The following CNDP1 variants were observed in gnomAD, a reference collection of about 807,000 sequenced individuals.
CNDP1 encodes carnosine dipeptidase 1.
A neutral mutation model predicts 58.1 loss-of-function variants in CNDP1; 44 were observed. The observed-to-expected ratio is 0.76, with a 90% CI of 0.60 to 0.97. The LOEUF (loss-of-function observed/expected upper bound fraction) is 0.97, where lower values mean the gene tolerates loss of function less well. Among genes scored for constraint, CNDP1 ranks in the 50% least tolerant of loss-of-function variants. The probability of loss-of-function intolerance (pLI) is 0.00; values close to 1 mark genes in which losing one functional copy is unlikely to be tolerated. For missense variants in CNDP1, 616 were observed against 655.1 expected (o/e 0.94, Z 0.65); for synonymous variants, 254 against 252.6 (o/e 1.01, Z -0.05).
chr18:74,576,989 G>A lies in CNDP1; in HGVS notation c.962G>A (p.Arg321Gln), dbSNP rs140024831. 4.8e-5 allele frequency: 77 copies of A among 1,612,842 alleles called. No individual in the cohort carries two copies. The highest frequency in any genetic ancestry group is 1.6e-4 in the African/African-American group (12 of 74,890). Residue 321 changes from arginine (R) to glutamine (Q), a missense_variant, in exon 8 of 12, where the codon CGG becomes CAG. Arg to Gln is a conservative substitution (Grantham distance 43). Transcript: ENST00000358821. ...ATCCATCTAGACCTAGAAGAATACC[G>A]GAATAGCAGCCGGGTTGAGAAATTT... is the stretch of plus-strand genomic sequence containing the variant. ...KAIHLDLEEY[R>Q]NSSRVEKFLF...
intron 11 of CNDP1, 87 bp from the exon 12 acceptor site, chr18:74,584,409 T>A: frequency 1.1e-6 from 1 of 907,470 alleles, no homozygotes; most frequent in Non-Finnish European, 1.8e-6. Flanking sequence ...TAACATCAAA[T>A]CTTCCTGTCT....
intron 7 of CNDP1, among the ~76,000 whole-genome samples, chr18:74,572,331 G>A (rs2144666244): frequency 6.6e-6 from 1 of 152,174 alleles, no homozygotes; most frequent in East Asian, 1.9e-4. Flanking sequence ...AACTCCAGGG[G>A]CCTCACTTAC....
chr18:74,579,638 G>A (rs1045454996), intron 9 of CNDP1, among the ~76,000 whole-genome samples: 1 of 152,198 alleles, frequency 6.6e-6, no homozygotes, highest in Non-Finnish European at 1.5e-5. Context: ...GAACGAGGCT[G>A]AAATGAGGCT....
chr18:74,577,067 T>G, intron 8 of CNDP1, 38 bp downstream of exon 8: 1 of 1,574,334 alleles, frequency 6.4e-7, no homozygotes, highest in Non-Finnish European at 8.6e-7. Flanking sequence ...GGAAGAGGCA[T>G]GAGGCTAGTA....
At position 74,585,744 on chromosome 18, in the gene CNDP1, CA is replaced by C; in HGVS notation, c.*1183del. The C allele has an allele frequency of 6.6e-6, 1 of 152,100 alleles. No individual in the cohort carries two copies. 9.4% of individuals were successfully genotyped at this position (152,100 alleles called of 1,614,324 possible). ...GCGCGGTGGCTCATGCCCATAATCC[CA>C]GCACTTTCGGAGGCCGAGGTGGGCG... On this transcript the variant is annotated 3_prime_UTR_variant, in exon 12 of 12. Transcript: ENST00000358821.
intron 10 of CNDP1, among the ~76,000 whole-genome samples, chr18:74,581,201 G>T (rs951070448): frequency 1.4e-5 from 2 of 148,136 alleles, no homozygotes; most frequent in East Asian, 4.0e-4. Context: ...GGGCATCCCC[G>T]GAGAGCCACA....
At chr18:74,581,790 T>A (rs188157860) in intron 10 of CNDP1, among the ~76,000 whole-genome samples, 77 of 152,288 alleles carry the variant, frequency 5.1e-4, no homozygotes, top group African/African-American at 1.8e-3. Context: ...AATAGCAGAA[T>A]GGGGGCTCTT....
chr18:74,578,942 A>G (rs1981703955), intron 9 of CNDP1, among the ~76,000 whole-genome samples: 1 of 152,182 alleles, frequency 6.6e-6, no homozygotes, highest in African/African-American at 2.4e-5. Context: ...ATTTGCCTCA[A>G]GTTAGTTTAA....
chr18:74,583,645 TG>T lies in CNDP1; in HGVS notation c.1396del (p.Val466CysfsTer2), dbSNP rs779397569. The T allele has an allele frequency of 3.1e-6, 5 of 1,614,008 alleles. No homozygotes were observed. The African/African-American group carries it at 6.7e-5, about 22-fold the overall frequency. On this transcript the variant is annotated frameshift_variant, in exon 11 of 12. Coordinates refer to ENST00000358821, the MANE Select transcript of CNDP1 (RefSeq NM_032649.6). LOFTEE classifies it high-confidence loss of function. ...KMFQEIVHKS[V>X]VLIPLGAVDD... Reference sequence around the variant, plus strand: ...TTCCAGGAGATCGTCCACAAGAGCGTGGTGCTAATTCCGCTGGGAGCTGTTG... The same window carrying T: ...TTCCAGGAGATCGTCCACAAGAGCGTGTGCTAATTCCGCTGGGAGCTGTTG...
chr18:74,574,791 C>T (rs892301795), intron 7 of CNDP1: 15 of 152,322 alleles, frequency 9.8e-5, no homozygotes, highest in Admixed American at 8.5e-4. Flanking sequence ...ATCAATGGCT[C>T]CCCTTTCCCT....
At position 74,559,394 on chromosome 18, in the gene CNDP1, C is replaced by G. The variant is rs1278258985; in HGVS notation, c.225C>G (p.Phe75Leu). Residue 75 changes from phenylalanine (F) to leucine (L), a missense_variant, in exon 3 of 12, where the codon TTC becomes TTG. By Grantham distance (22) the Phe-to-Leu change is conservative. Coordinates refer to ENST00000358821, the MANE Select transcript of CNDP1 (RefSeq NM_032649.6). ...TGCCTCGCTTCAGACAAGAGCTCTT[C>G]AGAATGATGGCCGTGGCTGCGGACA... Reference protein sequence around the residue: ...QPVPRFRQELFRMMAVAADTL... With the variant: ...QPVPRFRQELLRMMAVAADTL... 5.0e-6 allele frequency: 8 copies of G among 1,613,766 alleles called. No individual in the cohort carries two copies. The highest frequency in any genetic ancestry group is 6.8e-6 in the Non-Finnish European group (8 of 1,180,020).
Position 74,578,171 on chromosome 18 carries a change from T to C in CNDP1, c.1011T>C (p.Ile337=), listed in dbSNP as rs774429762. The change falls in exon 9 of 12, where the codon ATT becomes ATC. Residue 337 remains isoleucine, a synonymous_variant. Transcript: ENST00000358821. ...ATTTTATTTTAATATAGGAGGAGATTCTAATGCACCTCTGGAGGTACCCAT... is the reference window on the plus strand; with the variant it reads ...ATTTTATTTTAATATAGGAGGAGATCCTAATGCACCTCTGGAGGTACCCAT... ...EKFLFDTKEE[I]LMHLWRYPSL... is the part of the protein sequence containing the mutation. 6.2e-7 allele frequency: 1 copy of C among 1,607,234 alleles called. No individual in the cohort carries two copies. The highest frequency in any genetic ancestry group is 8.5e-7 in the Non-Finnish European group (1 of 1,178,004).
chr18:74,549,767 G>A (rs1413734918), intron 1 of CNDP1, among the ~76,000 whole-genome samples: 2 of 152,236 alleles, frequency 1.3e-5, no homozygotes, highest in Non-Finnish European at 2.9e-5. Context: ...AGGCCCAGAG[G>A]CCTAGGAGGA....
chr18:74,572,790 CAAAAAAA>C (rs56059264), intron 7 of CNDP1, among the ~76,000 whole-genome samples: 2 of 60,072 alleles, frequency 3.3e-5, no homozygotes, highest in South Asian at 7.8e-4. Context: ...GACCCTGTAT[CAAAAAAA>C]AAAAAAAAAA....
chr18:74,578,251 TCATACCTGG>T lies in CNDP1; in HGVS notation c.1093_1101del (p.Ile365_Gly367del), dbSNP rs1261409988. The T allele has an allele frequency of 6.2e-7, 1 of 1,614,086 alleles. No individual in the cohort carries two copies. Among genetic ancestry groups the T allele is most frequent in the African/African-American group, 1.3e-5 (1 of 75,016 alleles). On this transcript the variant is annotated inframe_deletion, in exon 9 of 12. Coordinates refer to ENST00000358821, the MANE Select transcript of CNDP1 (RefSeq NM_032649.6). Reference sequence around the variant, plus strand: ...TTTGATGAGCCTGGAACTAAAACAGTCATACCTGGCCGAGTTATAGGAAAATTTTCAATC... The same window carrying T: ...TTTGATGAGCCTGGAACTAAAACAGTCCGAGTTATAGGAAAATTTTCAATC...
chr18:74,577,871 G>A (rs1413295107), intron 8 of CNDP1: 7 of 288,810 alleles, frequency 2.4e-5, no homozygotes, highest in South Asian at 9.4e-5. Context: ...GAACGTGCCC[G>A]ATCTCGTTTG....
intron 1 of CNDP1, among the ~76,000 whole-genome samples, chr18:74,538,605 A>T (rs1980540936): frequency 6.6e-6 from 1 of 152,114 alleles, no homozygotes; most frequent in African/African-American, 2.4e-5. Context: ...GTGTCTGAGG[A>T]ACTGCCAGAC....
intron 1 of CNDP1, among the ~76,000 whole-genome samples, chr18:74,544,683 C>G (rs1210754168): frequency 1.4e-5 from 2 of 139,018 alleles, no homozygotes; most frequent in African/African-American, 5.4e-5. Flanking sequence ...CATGTCACTG[C>G]ACTCCAGCTT....
At position 74,560,957 on chromosome 18, in the gene CNDP1, G is replaced by A; in HGVS notation, c.405G>A (p.Val135=). The A allele has an allele frequency of 6.2e-7, 1 of 1,614,134 alleles. No homozygotes were observed. The highest frequency in any genetic ancestry group is 8.5e-7 in the Non-Finnish European group (1 of 1,180,020). Residue 135 remains valine, a synonymous_variant, in exon 4 of 12, where the codon GTG becomes GTA. Coordinates refer to ENST00000358821, the MANE Select transcript of CNDP1 (RefSeq NM_032649.6). ...TGTGCTTCTACGGCCACTTGGACGT[G>A]CAGCCTGCTGACCGGGGCGATGGGT... The part of the protein sequence containing the change: ...GTVCFYGHLD[V]QPADRGDGWL...
Sources: allele counts gnomAD v4.1 joint callset (sites outside exome capture counted in the v4.1 genomes callset), GRCh38; gene constraint gnomAD v4.1.1; transcripts MANE v1.5; gene names NCBI Gene and HGNC (gene_info 2026-07-23, HGNC 2026-07-21).